RAB11FIP5: variants seen among roughly 807,000 people sequenced by gnomAD.
RAB11FIP5 encodes RAB11 family interacting protein 5, also known as rab11 family-interacting protein 5.
In RAB11FIP5, 48 loss-of-function variants were observed where a neutral mutation model predicts 85.1. That is an observed-to-expected ratio of 0.56 (90% CI 0.45 to 0.72). RAB11FIP5 has a LOEUF of 0.72. RAB11FIP5 is among the 30% of genes least tolerant of loss of function. The probability of loss-of-function intolerance (pLI) is 0.00; values close to 1 mark genes in which losing one functional copy is unlikely to be tolerated. For missense variants in RAB11FIP5, 1,491 were observed against 1,687.0 expected (o/e 0.88, Z 2.04); for synonymous variants, 729 against 727.3 (o/e 1.00, Z -0.04).
At chr2:73,093,645 C>T (rs1052084169) in intron 1 of RAB11FIP5, among the ~76,000 whole-genome samples, 2 of 152,232 alleles carry the variant, frequency 1.3e-5, no homozygotes, top group African/African-American at 2.4e-5. Context: ...CCTTGGCCCT[C>T]AGGTGGGGAC....
intron 1 of RAB11FIP5, among the ~76,000 whole-genome samples, chr2:73,101,487 G>A (rs957660390): frequency 6.6e-5 from 10 of 152,172 alleles, no homozygotes; most frequent in African/African-American, 2.4e-4. Flanking sequence ...TTAAGGTTAT[G>A]TTTTTTCTAA....
intron 1 of RAB11FIP5, among the ~76,000 whole-genome samples, chr2:73,109,097 G>A: frequency 6.6e-6 from 1 of 152,156 alleles, no homozygotes; most frequent in East Asian, 1.9e-4. Context: ...ATAAATCGCA[G>A]AGAAGCATCC....
At chr2:73,099,005 C>T (rs1162134740) in intron 1 of RAB11FIP5, among the ~76,000 whole-genome samples, 1 of 147,922 alleles carries the variant, frequency 6.8e-6, no homozygotes, top group Non-Finnish European at 1.5e-5. Context: ...TAATAAAGCA[C>T]TTATGTTTCT....
intron 1 of RAB11FIP5, among the ~76,000 whole-genome samples, chr2:73,090,572 A>C (rs1471257071): frequency 6.6e-6 from 1 of 152,238 alleles, no homozygotes; most frequent in East Asian, 1.9e-4. Context: ...TAATGATAAA[A>C]ATAAATAGGC....
At chr2:73,106,374 A>G (rs9309471) in intron 1 of RAB11FIP5, among the ~76,000 whole-genome samples, 49,319 of 152,114 alleles carry the variant, frequency 0.32, 9,630 homozygotes, top group East Asian at 0.55. Context: ...GACCACAGCC[A>G]GCGCCAGTGG....
Position 73,080,858 on chromosome 2 carries a change from G to A in RAB11FIP5, c.2374C>T (p.Pro792Ser). 8.1e-7 allele frequency: 1 copy of A among 1,232,404 alleles called. No individual in the cohort carries two copies. Among genetic ancestry groups the A allele is most frequent in the Non-Finnish European group, 1.0e-6 (1 of 988,188 alleles). 76.3% of individuals were successfully genotyped at this position (1,232,404 alleles called of 1,614,324 possible). A position where few individuals can be genotyped will look rare whatever the true frequency, so the allele number is the denominator to read the frequency against. ...CTCTCCCACACACTGATCACTTCTG[G>A]GGAGCTAAATAGAGATGTCCCACTG... The part of the protein sequence containing the change: ...ADSGTSLFSS[P>S]EVISVWERLP... The change falls in exon 4 of 6, where the codon CCA becomes TCA. Residue 792 changes from proline (P) to serine (S), a missense_variant. Pro to Ser is a moderately conservative substitution (Grantham distance 74). Around this residue, in one of 3 missense-constraint regions of RAB11FIP5, gnomAD observed 1,211 missense variants for 1,338.0 expected, o/e 0.91. Transcript: ENST00000486777.
At position 73,080,570 on chromosome 2, in the gene RAB11FIP5, C is replaced by T. The variant is rs754587736; in HGVS notation, c.2662G>A (p.Glu888Lys). ...LPPPEPEPKP[E>K]WVSDKGLQPS... ...TGCAGCCCCTTGTCAGACACCCACT[C>T]GGGTTTAGGCTCGGGCTCCGGTGGG... Residue 888 changes from glutamate to lysine, a missense_variant, in exon 4 of 6, where the codon GAG becomes AAG. Physicochemically the swap from Glu to Lys is moderately conservative, Grantham distance 56 (BLOSUM62 1). Coordinates refer to ENST00000486777, the MANE Select transcript of RAB11FIP5 (RefSeq NM_001371272.1). 19 of 1,232,310 alleles carry T rather than the reference C, an allele frequency of 1.5e-5. No homozygotes were observed. The highest frequency in any genetic ancestry group is 4.1e-5 in the South Asian group (1 of 24,326). The allele number at this position is 1,232,310 out of a possible 1,614,324, so 76.3% of individuals were successfully genotyped here. A position where few individuals can be genotyped will look rare whatever the true frequency, so the allele number is the denominator to read the frequency against.
Position 73,084,920 on chromosome 2 carries a change from G to A in RAB11FIP5, c.1568+3130C>T, listed in dbSNP as rs769245284. On this transcript the variant is annotated intron_variant, in intron 3 of 5. Transcript: ENST00000486777. ...CTGACCCTCCTGAGATGGGCCCAACGTGCAGGAAACATGTCCAAGAGACGG... is the reference window on the plus strand; with the variant it reads ...CTGACCCTCCTGAGATGGGCCCAACATGCAGGAAACATGTCCAAGAGACGG... 5.9e-5 allele frequency among the ~76,000 whole-genome samples: 9 copies of A among 152,276 alleles called. No homozygotes were observed. The South Asian group carries it at 1.2e-3, about 21-fold the overall frequency.
At chr2:73,082,199 T>G (rs909627787) in intron 3 of RAB11FIP5, among the ~76,000 whole-genome samples, 15 of 152,076 alleles carry the variant, frequency 9.9e-5, no homozygotes, top group Admixed American at 6.5e-5. Flanking sequence ...TTAGGAGAGA[T>G]GAGGTTTCAC....
intron 3 of RAB11FIP5, among the ~76,000 whole-genome samples, chr2:73,087,566 C>T (rs976521069): frequency 1.5e-4 from 23 of 152,140 alleles, no homozygotes; most frequent in South Asian, 4.1e-4. Context: ...TTATTTGACT[C>T]CCGTCTCCCA....
chr2:73,098,535 G>A (rs1426033624), intron 1 of RAB11FIP5, among the ~76,000 whole-genome samples: 3 of 152,148 alleles, frequency 2.0e-5, no homozygotes, highest in Admixed American at 6.5e-5. Context: ...GTAAGGAGAC[G>A]TGCACTGGGT....
Position 73,074,041 on chromosome 2 carries a change from C to G in RAB11FIP5, c.*1480G>C, listed in dbSNP as rs1276847823. 1.3e-5 allele frequency: 2 copies of G among 152,266 alleles called. No homozygotes were observed. The highest frequency in any genetic ancestry group is 1.3e-4 in the Admixed American group (2 of 15,288). The allele number at this position is 152,266 out of a possible 1,614,324, so 9.4% of individuals were successfully genotyped here. A position where few individuals can be genotyped will look rare whatever the true frequency, so the allele number is the denominator to read the frequency against. Reference sequence around the variant, plus strand: ...GCTAATTCAGGGTGCCCCAAGCTGCCAAAGTTCCCTGCAGATGCCTTGGGG... The same window carrying G: ...GCTAATTCAGGGTGCCCCAAGCTGCGAAAGTTCCCTGCAGATGCCTTGGGG... On this transcript the variant is annotated 3_prime_UTR_variant, in exon 6 of 6. Transcript: ENST00000486777.
At position 73,081,824 on chromosome 2, in the gene RAB11FIP5, T is replaced by G. The variant is rs1001169322; in HGVS notation, c.1569-161A>C. On this transcript the variant is annotated intron_variant, in intron 3 of 5. Transcript: ENST00000486777. This position sits in a 1 kb window ranked among gnomAD's most constrained non-coding sequence, Gnocchi z 4.2. ...AGGGTACAGAGGGAAGACCCCAACA[T>G]GTAACATTATCAAGTGCCTCCCAAG... Among the ~76,000 whole-genome samples, 1 of 152,076 alleles carries G rather than the reference T, an allele frequency of 6.6e-6. No homozygotes were observed.
At chr2:73,097,874 C>T (rs1339211797) in intron 1 of RAB11FIP5, among the ~76,000 whole-genome samples, 3 of 152,232 alleles carry the variant, frequency 2.0e-5, no homozygotes, top group Non-Finnish European at 4.4e-5. Flanking sequence ...ACAGAGGAGT[C>T]ACTGTTGACC....
In RAB11FIP5 at chr2:73,075,815, C is replaced by T; in HGVS notation, c.3772-91G>A. The T allele has an allele frequency of 1.3e-6, 2 of 1,485,848 alleles. No individual in the cohort carries two copies. The highest frequency in any genetic ancestry group is 1.8e-6 in the Non-Finnish European group (2 of 1,091,974). 92.0% of individuals were successfully genotyped at this position (1,485,848 alleles called of 1,614,324 possible). Reference sequence around the variant, plus strand: ...CCGCCCGCCCGCCTGCCCACCAACACCTAAGTTTCACCACCACAGGGCCCC... The same window carrying T: ...CCGCCCGCCCGCCTGCCCACCAACATCTAAGTTTCACCACCACAGGGCCCC... On this transcript the variant is annotated intron_variant, in intron 5 of 5. Coordinates refer to ENST00000486777, the MANE Select transcript of RAB11FIP5 (RefSeq NM_001371272.1). The surrounding 1 kb of genome is among the most constrained non-coding windows in gnomAD (Gnocchi z 4.6).
At chr2:73,082,722 A>G (rs771515333) in intron 3 of RAB11FIP5, among the ~76,000 whole-genome samples, 1 of 152,154 alleles carries the variant, frequency 6.6e-6, no homozygotes, top group Non-Finnish European at 1.5e-5. Context: ...ACACTGGAGA[A>G]CAGGTTCTGG....
intron 1 of RAB11FIP5, among the ~76,000 whole-genome samples, chr2:73,093,596 G>A (rs1402056697): frequency 6.6e-6 from 1 of 152,160 alleles, no homozygotes; most frequent in Non-Finnish European, 1.5e-5. Flanking sequence ...TGAGTGCTGG[G>A]TCCCCCACTG....
intron 1 of RAB11FIP5, among the ~76,000 whole-genome samples, chr2:73,111,917 A>T (rs1684663451): frequency 6.6e-6 from 1 of 152,136 alleles, no homozygotes; most frequent in African/African-American, 2.4e-5. Flanking sequence ...CTTCCCCCGT[A>T]GGGCAAGGCT....
At chr2:73,083,284 A>G (rs540563581) in intron 3 of RAB11FIP5, among the ~76,000 whole-genome samples, 7 of 152,286 alleles carry the variant, frequency 4.6e-5, no homozygotes, top group African/African-American at 9.6e-5. Flanking sequence ...GGACTGAGGC[A>G]GGTCAGCTCG....
Sources: gnomAD v4.1 joint callset for allele counts (sites outside exome capture counted in the v4.1 genomes callset) on GRCh38, gnomAD v4.1.1 for gene constraint, gnomAD v4.1.1 regional missense constraint, Gnocchi (gnomAD v3.1) non-coding constraint, MANE v1.5 for transcripts, NCBI Gene and HGNC (gene_info 2026-07-23, HGNC 2026-07-21) for gene names.